Variants in GALNTL6 observed in about 807,000 individuals in gnomAD.
GALNTL6 encodes the protein polypeptide N-acetylgalactosaminyltransferase-like 6.
A neutral mutation model predicts 73.7 loss-of-function variants in GALNTL6; 46 were observed. The observed-to-expected ratio is 0.62, with a 90% CI of 0.49 to 0.80. GALNTL6 has a LOEUF of 0.80. Among genes scored for constraint, GALNTL6 ranks in the 30% least tolerant of loss-of-function variants. The pLI, the probability that GALNTL6 is intolerant of heterozygous loss-of-function variation, is 0.00. For missense variants in GALNTL6, 604 were observed against 755.0 expected (o/e 0.80, Z 2.34); for synonymous variants, 259 against 263.7 (o/e 0.98, Z 0.17).
intron 5 of GALNTL6, among the ~76,000 whole-genome samples, chr4:172,734,285 G>T (rs1382840097): frequency 1.3e-5 from 2 of 152,148 alleles, no homozygotes; most frequent in African/African-American, 2.4e-5. Flanking sequence ...CCCATTTTCT[G>T]GGGAGCAATT....
intron 2 of GALNTL6, among the ~76,000 whole-genome samples, chr4:171,926,025 G>A (rs1737968669): frequency 6.6e-6 from 1 of 151,870 alleles, no homozygotes. Flanking sequence ...TGACACACAT[G>A]TGCACATAAC....
chr4:172,665,917 A>G (rs1219437212), intron 5 of GALNTL6, among the ~76,000 whole-genome samples: 1 of 152,102 alleles, frequency 6.6e-6, no homozygotes. Flanking sequence ...CTCCTAGACT[A>G]TGCTAAGTAT....
chr4:172,503,419 C>T (rs1734331741), intron 5 of GALNTL6, among the ~76,000 whole-genome samples: 1 of 151,170 alleles, frequency 6.6e-6, no homozygotes, highest in Non-Finnish European at 1.5e-5. Context: ...TGTTATATTT[C>T]TTATGCAATT....
intron 2 of GALNTL6, among the ~76,000 whole-genome samples, chr4:172,109,260 T>TTA (rs1275555051): frequency 3.2e-4 from 1 of 3,118 alleles, no homozygotes; most frequent in African/African-American, 6.9e-4. Flanking sequence ...ACCATTATAA[T>TTA]TTTTTTTCTT....
intron 5 of GALNTL6, among the ~76,000 whole-genome samples, chr4:172,423,940 A>G (rs1377722135): frequency 6.6e-6 from 1 of 152,110 alleles, no homozygotes; most frequent in African/African-American, 2.4e-5. Flanking sequence ...TAGAGCATTG[A>G]AGCATTGAAG....
chr4:171,988,664 A>G lies in GALNTL6; in HGVS notation c.138+173946A>G, dbSNP rs185108446. ...TGTAAGCCTTGCCTGGTTTTAGGAC[A>G]GGTAAAATGGGGGAATGGTAAGGAG... On this transcript the variant is annotated intron_variant, in intron 2 of 12. Transcript: ENST00000506823. 3.9e-5 allele frequency among the ~76,000 whole-genome samples: 6 copies of G among 152,308 alleles called. No homozygotes were observed. In the East Asian group the frequency reaches 7.7e-4, roughly 20 times the overall value.
chr4:172,661,578 G>A (rs1204108514), intron 5 of GALNTL6, among the ~76,000 whole-genome samples: 1 of 152,116 alleles, frequency 6.6e-6, no homozygotes, highest in Non-Finnish European at 1.5e-5. Flanking sequence ...TTCTTTGCTA[G>A]CATTGTGAGA....
At chr4:172,638,467 A>T (rs1399054230) in intron 5 of GALNTL6, among the ~76,000 whole-genome samples, 3 of 152,056 alleles carry the variant, frequency 2.0e-5, no homozygotes, top group Non-Finnish European at 4.4e-5. Context: ...AATTGCATGC[A>T]TCCCACTCTC....
chr4:172,616,820 C>T (rs1738753736), intron 5 of GALNTL6, among the ~76,000 whole-genome samples: 1 of 152,086 alleles, frequency 6.6e-6, no homozygotes, highest in African/African-American at 2.4e-5. Flanking sequence ...GCTGAATCTT[C>T]ATGAGTTTCT....
intron 5 of GALNTL6, among the ~76,000 whole-genome samples, chr4:172,466,964 T>C (rs1732847010): frequency 6.6e-6 from 1 of 152,234 alleles, no homozygotes; most frequent in Non-Finnish European, 1.5e-5. Flanking sequence ...ACGCTGCAAC[T>C]GATTTTAGCT....
intron 10 of GALNTL6, among the ~76,000 whole-genome samples, chr4:172,955,125 A>C (rs1749649833): frequency 2.0e-5 from 3 of 152,220 alleles, no homozygotes; most frequent in Non-Finnish European, 4.4e-5. Flanking sequence ...ATGCAGCTTA[A>C]TCAAAATGAA....
At chr4:172,105,228 G>A (rs1732643656) in intron 2 of GALNTL6, among the ~76,000 whole-genome samples, 1 of 152,022 alleles carries the variant, frequency 6.6e-6, no homozygotes, top group South Asian at 2.1e-4. Context: ...CATATGAAGG[G>A]TTCAACATGA....
In GALNTL6 at chr4:172,069,522, G is replaced by GTATGACACATATGTGTTATA. The variant is rs1731461334; in HGVS notation, c.139-160131_139-160130insGACACATATGTGTTATATAT. On this transcript the variant is annotated intron_variant, in intron 2 of 12. Transcript: ENST00000506823. ...TATGTATAACACATATATGTTATAT[G>GTATGACACATATGTGTTATA]TATAACACATATATTATATATAACA... 5.7e-4 allele frequency among the ~76,000 whole-genome samples: 32 copies of GTATGACACATATGTGTTATA among 56,032 alleles called. 12 individuals are homozygous for GTATGACACATATGTGTTATA. The highest frequency in any genetic ancestry group is 1.8e-3 in the Admixed American group (9 of 5,090). 36.8% of individuals were successfully genotyped at this position (56,032 alleles called of 152,430 possible).
chr4:172,259,477 T>C (rs1445232037), intron 3 of GALNTL6, among the ~76,000 whole-genome samples: 3 of 151,392 alleles, frequency 2.0e-5, no homozygotes, highest in African/African-American at 7.3e-5. Context: ...TCTTGCTGAT[T>C]TGTTGGAGTG....
intron 3 of GALNTL6, among the ~76,000 whole-genome samples, chr4:172,305,345 T>C (rs2654771): frequency 1 from 152,089 of 152,212 alleles, 75,983 homozygotes; most frequent in Middle Eastern, 1. Context: ...AATACTTATA[T>C]ATTTAAATAT....
intron 5 of GALNTL6, among the ~76,000 whole-genome samples, chr4:172,716,332 A>C (rs1363679615): frequency 6.6e-6 from 1 of 152,080 alleles, no homozygotes; most frequent in Non-Finnish European, 1.5e-5. Flanking sequence ...GATCCCCAAA[A>C]CCCAGTCCAT....
chr4:172,788,239 C>A (rs1161437968), intron 5 of GALNTL6, among the ~76,000 whole-genome samples: 10 of 152,116 alleles, frequency 6.6e-5, no homozygotes, highest in African/African-American at 2.4e-4. Context: ...GTGGCACACA[C>A]CTCTAGTCCT....
chr4:172,976,605 G>T lies in GALNTL6; in HGVS notation c.1371+24347G>T, dbSNP rs114598316. ...CACAAAATAGATCAGTTACAGAATA[G>T]AATGCACACTTTATAACATTTTTAA... On this transcript the variant is annotated intron_variant, in intron 10 of 12. Transcript: ENST00000506823. 7.8e-3 allele frequency among the ~76,000 whole-genome samples: 1,186 copies of T among 152,326 alleles called. 11 individuals carry two copies. The highest frequency in any genetic ancestry group is 0.028 in the African/African-American group (1,144 of 41,568).
At chr4:172,005,478 A>G (rs142803761) in intron 2 of GALNTL6, among the ~76,000 whole-genome samples, 52 of 152,274 alleles carry the variant, frequency 3.4e-4, no homozygotes, top group South Asian at 1.2e-3. Flanking sequence ...ACAGGAAAAG[A>G]GTAAGAGAAT....
Sources: gnomAD v4.1 joint callset for allele counts (sites outside exome capture counted in the v4.1 genomes callset) on GRCh38, gnomAD v4.1.1 for gene constraint, MANE v1.5 for transcripts, NCBI Gene and HGNC (gene_info 2026-07-23, HGNC 2026-07-21) for gene names.